Variants in GARNL3 observed in about 807,000 individuals in gnomAD.
The protein encoded by GARNL3 is GTPase-activating Rap/Ran-GAP domain-like protein 3.
In GARNL3, 63 loss-of-function variants were observed where a neutral mutation model predicts 125.0. The ratio of observed to expected loss-of-function variants is 0.50; its 90% confidence interval spans 0.41 to 0.62. The LOEUF (loss-of-function observed/expected upper bound fraction) is 0.62. Ranked by LOEUF, GARNL3 falls within the 20% of genes least tolerant of loss-of-function variation. The pLI, the probability that GARNL3 is intolerant of heterozygous loss-of-function variation, is 0.00. For missense variants in GARNL3, 994 were observed against 1,244.0 expected, an observed-to-expected ratio of 0.80 and a Z score of 3.02; for synonymous variants, 439 against 457.5, an observed-to-expected ratio of 0.96 and a Z score of 0.52.
At chr9:127,303,256 A>T (rs1030733729) in intron 2 of GARNL3, among the ~76,000 whole-genome samples, 3 of 152,242 alleles carry the variant, frequency 2.0e-5, no homozygotes, top group Non-Finnish European at 2.9e-5. Context: ...AAAACAAATT[A>T]TGTATATGTA....
intron 13 of GARNL3, among the ~76,000 whole-genome samples, chr9:127,341,845 A>C (rs1162857119): frequency 6.6e-6 from 1 of 152,300 alleles, no homozygotes; most frequent in East Asian, 1.9e-4. Context: ...TGCAGGCTCA[A>C]GGTGATGGAG....
Position 127,335,283 on chromosome 9 carries a change from A to G in GARNL3, c.823A>G (p.Met275Val). 1 of 1,614,092 alleles carries G rather than the reference A, an allele frequency of 6.2e-7. No individual in the cohort carries two copies. The highest frequency in any genetic ancestry group is 1.3e-5 in the African/African-American group (1 of 75,072). The change falls in exon 10 of 28, where the codon ATG becomes GTG. Residue 275 changes from methionine (M) to valine (V), a missense_variant. Met to Val is a conservative substitution (Grantham distance 21). Around this residue, in one of 5 missense-constraint regions of GARNL3, gnomAD observed 71 missense variants for 66.2 expected, o/e 1.07. Coordinates refer to ENST00000373387, the MANE Select transcript of GARNL3 (RefSeq NM_032293.5). ...TACTGTGTACCAAGGGCATGAGATC[A>G]TGTTTCATGTTTCCACCATGTTGCC... ...VYTVYQGHEI[M>V]FHVSTMLPYS...
chr9:127,268,365 T>C (rs1295517633), intron 1 of GARNL3, among the ~76,000 whole-genome samples: 1 of 152,156 alleles, frequency 6.6e-6, no homozygotes, highest in Non-Finnish European at 1.5e-5. Context: ...CTGCGCCTCA[T>C]GTGATGGAAA....
At chr9:127,305,720 A>G (rs1323166771) in intron 2 of GARNL3, among the ~76,000 whole-genome samples, 5 of 151,782 alleles carry the variant, frequency 3.3e-5, no homozygotes, top group Non-Finnish European at 7.4e-5. Flanking sequence ...CTACAGGCAC[A>G]CACTACCATA....
At chr9:127,294,101 ACTTGCCTACCCCAGTGGGT>A (rs1347191713) in intron 2 of GARNL3, among the ~76,000 whole-genome samples, 3 of 152,048 alleles carry the variant, frequency 2.0e-5, no homozygotes, top group Non-Finnish European at 4.4e-5. Flanking sequence ...CTCCTATTGG[ACTTGCCTACCCCAGTGGGT>A]CTTGGGATTT....
intron 16 of GARNL3, among the ~76,000 whole-genome samples, chr9:127,347,967 A>G (rs1830229092): frequency 6.6e-6 from 1 of 152,214 alleles, no homozygotes. Flanking sequence ...TGCCGTTTTC[A>G]AAGGTGGTCC....
At chr9:127,331,735 T>TTTTTTTTTTTTTTC (rs1554722987) in intron 7 of GARNL3, among the ~76,000 whole-genome samples, 2 of 143,824 alleles carry the variant, frequency 1.4e-5, no homozygotes, top group Non-Finnish European at 3.0e-5. Flanking sequence ...TTTTTTTTTT[T>TTTTTTTTTTTTTTC]CACATCTGTT....
chr9:127,366,677 AAGAT>A (rs1289102749), intron 22 of GARNL3: 6 of 152,224 alleles, frequency 3.9e-5, no homozygotes, highest in Non-Finnish European at 8.8e-5. Flanking sequence ...TAAGAACAGA[AAGAT>A]AGAGCAGGTT....
chr9:127,386,456 C>T (rs1043916399), intron 24 of GARNL3, among the ~76,000 whole-genome samples: 1 of 152,168 alleles, frequency 6.6e-6, no homozygotes, highest in African/African-American at 2.4e-5. Flanking sequence ...TTTCAAGCTG[C>T]CAGCGTGACG....
At chr9:127,265,936 C>G (rs77424646) in intron 1 of GARNL3, among the ~76,000 whole-genome samples, 39 of 152,184 alleles carry the variant, frequency 2.6e-4, no homozygotes, top group Admixed American at 2.4e-3. Flanking sequence ...GACTGTGTAC[C>G]TAGCCTGGAG....
chr9:127,231,918 AAAT>A, intron 1 of GARNL3, among the ~76,000 whole-genome samples: 1 of 152,334 alleles, frequency 6.6e-6, no homozygotes, highest in Middle Eastern at 3.4e-3. Flanking sequence ...ACACGCTCAT[AAAT>A]AATGCCATAC....
At chr9:127,331,365 T>C (rs1433044032) in intron 7 of GARNL3, among the ~76,000 whole-genome samples, 1 of 151,952 alleles carries the variant, frequency 6.6e-6, no homozygotes. Flanking sequence ...TGGTGGCATA[T>C]GCTTGTAATC....
intron 1 of GARNL3, among the ~76,000 whole-genome samples, chr9:127,275,355 C>T (rs1017868231): frequency 2.0e-5 from 3 of 152,056 alleles, no homozygotes; most frequent in Non-Finnish European, 4.4e-5. Context: ...TTTTTTAGGC[C>T]CTCAGAGGAA....
chr9:127,300,021 A>G (rs1278830931), intron 2 of GARNL3: 1 of 249,682 alleles, frequency 4.0e-6, no homozygotes, highest in East Asian at 1.0e-4. Flanking sequence ...CATTTTTTTT[A>G]AAGGCCTGTC....
chr9:127,269,946 A>G (rs2063785904), intron 1 of GARNL3, among the ~76,000 whole-genome samples: 1 of 152,050 alleles, frequency 6.6e-6, no homozygotes, highest in Non-Finnish European at 1.5e-5. Context: ...TGATGAAGTA[A>G]AATTTATCTA....
At position 127,226,670 on chromosome 9, in the gene GARNL3, AACCCCAGATTG is replaced by A. The variant is rs2062919501; in HGVS notation, c.-29+2334_-29+2344del. 2.0e-5 allele frequency among the ~76,000 whole-genome samples: 3 copies of A among 152,080 alleles called. No homozygotes were observed. The South Asian group carries it at 6.2e-4, about 32-fold the overall frequency. On this transcript the variant is annotated intron_variant, in intron 1 of 10. Coordinates refer to the GARNL3 transcript ENST00000439286. ...CCTCCTCCTTCGGAAGTCTTCCTTG[AACCCCAGATTG>A]AGCTCTTTGCTGTATTAATAATCTG...
chr9:127,264,326 G>C (rs566866071), upstream of GARNL3: 478 of 229,440 alleles, frequency 2.1e-3, 4 homozygotes, highest in African/African-American at 0.011. Context: ...AAGCCTTTTT[G>C]GGGGGTGGGT....
At chr9:127,254,653 C>T (rs2063464908) in intron 2 of GARNL3, among the ~76,000 whole-genome samples, 2 of 151,922 alleles carry the variant, frequency 1.3e-5, no homozygotes, top group Non-Finnish European at 2.9e-5. Context: ...CCTGTAATCC[C>T]AGCCACTCGG....
Position 127,243,215 on chromosome 9 carries a change from A to G in GARNL3, c.109A>G (p.Thr37Ala), listed in dbSNP as rs775642464. The stretch of plus-strand genomic sequence containing the variant: ...CATCCAGCCCCTTCAGACATGGCCA[A>G]CGAAAGACCCTGAACTAGAGTCCCA... Residue 37 changes from threonine (T) to alanine (A), a missense_variant, in exon 2 of 11, where the codon ACG (threonine) becomes GCG (alanine). Physicochemically the swap from Thr to Ala is moderately conservative, Grantham distance 58. Transcript: ENST00000439286. 20 of 1,366,492 alleles carry G rather than the reference A, an allele frequency of 1.5e-5. 1 individual carries two copies. The Middle Eastern group carries it at 6.3e-4, about 43-fold the overall frequency. The allele number at this position is 1,366,492 out of a possible 1,614,324, so 84.6% of individuals were successfully genotyped here.
Sources: gnomAD v4.1 joint callset for allele counts (sites outside exome capture counted in the v4.1 genomes callset) on GRCh38, gnomAD v4.1.1 for gene constraint, gnomAD v4.1.1 regional missense constraint, MANE v1.5 for transcripts, NCBI Gene and HGNC (gene_info 2026-07-23, HGNC 2026-07-21) for gene names.